Variants in CACNA1F observed in about 807,000 individuals in gnomAD.
CACNA1F encodes calcium voltage-gated channel subunit alpha1 F, also known as voltage-dependent L-type calcium channel subunit alpha-1F.
Under a neutral mutation model 143.8 loss-of-function variants are expected in CACNA1F, and 59 were observed. That is an observed-to-expected ratio of 0.41 (90% CI 0.33 to 0.51). The LOEUF is 0.51. CACNA1F is among the 20% of genes least tolerant of loss of function. The probability of loss-of-function intolerance (pLI) is 0.22; values close to 1 mark genes in which losing one functional copy is unlikely to be tolerated. For synonymous variants in CACNA1F, 643 were observed against 649.1 expected (o/e 0.99, Z 0.14); for missense variants, 1,411 against 1,647.5 (o/e 0.86, Z 2.48).
chrX:49,214,084 C>T (rs1317528196), intron 30 of CACNA1F, 75 bp downstream of exon 30: 16 of 758,924 alleles, frequency 2.1e-5, no homozygotes, highest in Non-Finnish European at 3.1e-5. Flanking sequence ...GCATCGCCAA[C>T]CCCAGAGCTC....
chrX:49,212,605 G>A, intron 33 of CACNA1F, 62 bp downstream of exon 33: 1 of 1,119,614 alleles, frequency 8.9e-7, no homozygotes, highest in Admixed American at 2.2e-5. Context: ...GTGGTAAAGG[G>A]GCAGGCTGAG....
At chrX:49,224,324 G>GT (rs1234953883) in intron 14 of CACNA1F, among the ~76,000 whole-genome samples, 1 of 110,005 alleles carries the variant, frequency 9.1e-6, no homozygotes, top group Non-Finnish European at 1.9e-5. Flanking sequence ...GGGGCTGGGA[G>GT]TTAGGGATGA....
chrX:49,218,685 C>G lies in CACNA1F; in HGVS notation c.2784G>C (p.Trp928Cys). 1 of 1,197,780 alleles carries G rather than the reference C, an allele frequency of 8.3e-7. No homozygotes were observed. Among genetic ancestry groups the G allele is most frequent in the Non-Finnish European group, 1.1e-6 (1 of 888,545 alleles). Residue 928 changes from tryptophan (W) to cysteine (C), a missense_variant, in exon 23 of 48, where the codon TGG becomes TGC. By Grantham distance (215) the Trp-to-Cys change is radical. Coordinates refer to ENST00000323022, the MANE Select transcript of CACNA1F (RefSeq NM_001256789.3). ...FLHRGSFCRS[W>C]FNMLDLLVVS... Reference sequence around the variant, plus strand: ...CCACCAGCAGATCCAACATATTAAACCAGCTACGGCAGAAGGAGCCGCGGT... The same window carrying G: ...CCACCAGCAGATCCAACATATTAAAGCAGCTACGGCAGAAGGAGCCGCGGT...
chrX:49,216,655 C>A, intron 26 of CACNA1F, 127 bp from the exon 27 acceptor site: 1 of 582,555 alleles, frequency 1.7e-6, no homozygotes, highest in Non-Finnish European at 2.7e-6. Context: ...CAAATCCTGT[C>A]CCTCCATGTC....
rs782023569 is a variant in CACNA1F at position 49,212,677 on chromosome X, T to C, written c.3932A>G (p.Lys1311Arg). 3 of 1,207,818 alleles carry C rather than the reference T, an allele frequency of 2.5e-6. No individual in the cohort carries two copies. The highest frequency in any genetic ancestry group is 3.0e-5 in the East Asian group (1 of 33,759). Residue 1311 changes from lysine to arginine, a missense_variant, in exon 33 of 48, where the codon AAG (lysine) becomes AGG (arginine). Lys to Arg is a conservative substitution (Grantham distance 26). Around this residue, in one of 3 missense-constraint regions of CACNA1F, gnomAD observed 950 missense variants for 1,128.1 expected, o/e 0.84. Transcript: ENST00000323022. Reference protein sequence around the residue: ...GIRTLLWTFIKSFQALPYVAL... With the variant: ...GIRTLLWTFIRSFQALPYVAL... ...GGGGTAGGGGATTACCTGGAAGGACTTGATGAATGTCCAGAGCAATGTGCG... is the reference window on the plus strand; with the variant it reads ...GGGGTAGGGGATTACCTGGAAGGACCTGATGAATGTCCAGAGCAATGTGCG...
chrX:49,209,822 C>T, intron 40 of CACNA1F, 63 bp from the exon 41 acceptor site: 1 of 1,179,300 alleles, frequency 8.5e-7, no homozygotes, highest in East Asian at 3.0e-5. Context: ...CACCTCGCCG[C>T]CTCTCTACCC....
chrX:49,206,733 G>A lies in CACNA1F; in HGVS notation c.5354C>T (p.Pro1785Leu), dbSNP rs1227158259. 3 of 1,204,584 alleles carry A rather than the reference G, an allele frequency of 2.5e-6. No individual in the cohort carries two copies. The African/African-American group carries it at 5.2e-5, about 21-fold the overall frequency. Reference sequence around the variant, plus strand: ...GGATCCATCCCTGCTCTCACCTGCAGGTGTGGGGGGCAGCAGACGGCGGCG... The same window carrying A: ...GGATCCATCCCTGCTCTCACCTGCAAGTGTGGGGGGCAGCAGACGGCGGCG... Reference protein sequence around the residue: ...VPRRRLLPPTPAGRKPSFTIQ... With the variant: ...VPRRRLLPPTLAGRKPSFTIQ... Residue 1785 changes from proline (P) to leucine (L), a missense_variant, in exon 45 of 48, where the codon CCT becomes CTT. This residue lies in a region of CACNA1F where 349 missense variants were observed against 350.2 expected (regional missense o/e 1.00). Transcript: ENST00000323022.
At chrX:49,216,361 A>G (rs782367537) in intron 27 of CACNA1F, 21 bp downstream of exon 27, 4 of 1,207,881 alleles carry the variant, frequency 3.3e-6, no homozygotes, top group Non-Finnish European at 4.5e-6. Context: ...CCCCTGATAA[A>G]CCCAGGGCCC....
chrX:49,232,821 G>T (rs1031415339), intron 1 of CACNA1F, among the ~76,000 whole-genome samples: 7 of 103,402 alleles, frequency 6.8e-5, no homozygotes, highest in African/African-American at 1.4e-4. Flanking sequence ...TTTTGTTTTT[G>T]TTTTTTTTTT....
intron 46 of CACNA1F, 144 bp from the exon 47 acceptor site, chrX:49,205,957 G>A: frequency 1.9e-6 from 1 of 532,288 alleles, no homozygotes. Context: ...GTTTATTTAT[G>A]TAAGAGTGCA....
At chrX:49,217,729 T>C in intron 26 of CACNA1F, 26 bp downstream of exon 26, 1 of 1,194,075 alleles carries the variant, frequency 8.4e-7, no homozygotes, top group Non-Finnish European at 1.1e-6. Flanking sequence ...CTGAGCTCCG[T>C]GGACGGCAGG....
Position 49,219,497 on chromosome X carries a change from T to C in CACNA1F, c.2544-47A>G, listed in dbSNP as rs193116883. The C allele has an allele frequency of 5.3e-5, 63 of 1,193,299 alleles. 1 individual carries two copies. In the African/African-American group the frequency reaches 9.0e-4, roughly 17 times the overall value. Reference sequence around the variant, plus strand: ...TGGTCAGAACTCAGGACCACAGAATTGTTCAGGGATTCCAAGGGATACAGT... The same window carrying C: ...TGGTCAGAACTCAGGACCACAGAATCGTTCAGGGATTCCAAGGGATACAGT... On this transcript the variant is annotated intron_variant, in intron 20 of 47. Transcript: ENST00000323022.
chrX:49,223,267 A>G, intron 14 of CACNA1F, 131 bp from the exon 15 acceptor site: 1 of 478,032 alleles, frequency 2.1e-6, no homozygotes. Context: ...CTTTGGTGTC[A>G]GGGTTAGAAA....
Position 49,217,882 on chromosome X carries a change from C to T in CACNA1F, c.3036+16G>A. On this transcript the variant is annotated intron_variant, in intron 25 of 47. Transcript: ENST00000323022. Reference sequence around the variant, plus strand: ...CCCAGACCCCTGCCTGGCATTCCCTCCAGTGTTTGCCCCACCTTGAAGAGC... The same window carrying T: ...CCCAGACCCCTGCCTGGCATTCCCTTCAGTGTTTGCCCCACCTTGAAGAGC... 8.4e-7 allele frequency: 1 copy of T among 1,194,018 alleles called. No homozygotes were observed. Among genetic ancestry groups the T allele is most frequent in the East Asian group, 3.0e-5 (1 of 33,797 alleles).
chrX:49,223,158 GC>G, intron 14 of CACNA1F, 22 bp from the exon 15 acceptor site: 1 of 1,080,946 alleles, frequency 9.3e-7, no homozygotes, highest in Non-Finnish European at 1.3e-6. Flanking sequence ...ATGGGAGGGG[GC>G]AGGGTCGATG....
Position 49,211,023 on chromosome X carries a change from C to T in CACNA1F, c.4330G>A (p.Gly1444Ser). 1 of 1,205,183 alleles carries T rather than the reference C, an allele frequency of 8.3e-7. No homozygotes were observed. The highest frequency in any genetic ancestry group is 1.1e-6 in the Non-Finnish European group (1 of 890,676). ...DYLTRDWSIL[G>S]PHHLDEFKRI... is the part of the protein sequence containing the mutation. ...TTGAATTCATCAAGGTGATGGGGGC[C>T]CAGGATGGACCAATCTCTGGTGAGA... is the stretch of plus-strand genomic sequence containing the variant. Residue 1444 changes from glycine (G) to serine (S), a missense_variant, in exon 37 of 48, where the codon GGC becomes AGC. Gly to Ser is a moderately conservative substitution (Grantham distance 56, BLOSUM62 0). Coordinates refer to ENST00000323022, the MANE Select transcript of CACNA1F (RefSeq NM_001256789.3).
chrX:49,226,253 A>G lies in CACNA1F; in HGVS notation c.1464-10T>C. ...TTTCATGATCTTGTTTCTGAAAAAG[A>G]AGGGGGATGGGAGGTGTGTGTCGTA... On this transcript the variant is annotated splice_polypyrimidine_tract_variant and intron_variant, in intron 11 of 47. Coordinates refer to ENST00000323022, the MANE Select transcript of CACNA1F (RefSeq NM_001256789.3). 8.3e-7 allele frequency: 1 copy of G among 1,203,573 alleles called. No individual in the cohort carries two copies. Among genetic ancestry groups the G allele is most frequent in the Non-Finnish European group, 1.1e-6 (1 of 888,249 alleles).
intron 19 of CACNA1F, 53 bp downstream of exon 19, chrX:49,220,420 T>C: frequency 1.0e-6 from 1 of 993,969 alleles, no homozygotes; most frequent in South Asian, 2.0e-5. Context: ...GCTGTCTGCC[T>C]GAGCTCTTTC....
At chrX:49,210,094 C>A (rs782433138) in intron 39 of CACNA1F, 52 bp from the exon 40 acceptor site, 16 of 909,204 alleles carry the variant, frequency 1.8e-5, no homozygotes, top group Non-Finnish European at 2.4e-5. Flanking sequence ...ACCTCCACAG[C>A]TGCCCCCTCA....
Sources: allele counts gnomAD v4.1 joint callset (sites outside exome capture counted in the v4.1 genomes callset), GRCh38; gene constraint gnomAD v4.1.1; regional missense constraint gnomAD v4.1.1; transcripts MANE v1.5; gene names NCBI Gene and HGNC (gene_info 2026-07-23, HGNC 2026-07-21).